The following DPP10 variants were observed in gnomAD, a reference collection of about 807,000 sequenced individuals.
DPP10 encodes inactive dipeptidyl peptidase 10.
A neutral mutation model predicts 120.9 loss-of-function variants in DPP10; 33 were observed. The ratio of observed to expected loss-of-function variants is 0.27; its 90% confidence interval spans 0.21 to 0.37. The LOEUF (loss-of-function observed/expected upper bound fraction) is 0.37, where lower values mean the gene tolerates loss of function less well. Ranked by LOEUF, DPP10 falls within the 10% of genes least tolerant of loss-of-function variation. DPP10 has a pLI of 1.00. For missense variants in DPP10, 816 were observed against 942.8 expected (o/e 0.87, Z 1.76); for synonymous variants, 337 against 326.1 (o/e 1.03, Z -0.36).
chr2:115,187,016 A>ATT (rs2054492536), intron 1 of DPP10, among the ~76,000 whole-genome samples: 1 of 100,492 alleles, frequency 1.0e-5, no homozygotes, highest in Non-Finnish European at 2.1e-5. Flanking sequence ...TGGTGCAAAG[A>ATT]TTCTTTTTTT....
At chr2:115,673,399 C>G (rs562749167) in intron 5 of DPP10, among the ~76,000 whole-genome samples, 19 of 152,114 alleles carry the variant, frequency 1.2e-4, no homozygotes, top group Non-Finnish European at 2.4e-4. Flanking sequence ...GAAATATTCT[C>G]TATCTGCCTG....
At chr2:115,655,512 A>G (rs910044822) in intron 5 of DPP10, among the ~76,000 whole-genome samples, 4 of 151,596 alleles carry the variant, frequency 2.6e-5, no homozygotes, top group South Asian at 2.1e-4. Context: ...TTGCTCATCA[A>G]TTGTATTTAT....
chr2:114,724,666 C>G (rs1330221994), intron 1 of DPP10, among the ~76,000 whole-genome samples: 2 of 152,148 alleles, frequency 1.3e-5, no homozygotes, highest in African/African-American at 4.8e-5. Context: ...CTCTTTACAT[C>G]AAAGGTGAAC....
intron 3 of DPP10, among the ~76,000 whole-genome samples, chr2:115,360,077 C>T (rs1299887060): frequency 6.6e-6 from 1 of 152,076 alleles, no homozygotes; most frequent in Non-Finnish European, 1.5e-5. Flanking sequence ...TCCTTGTTAC[C>T]AAGATTCTGA....
intron 1 of DPP10, among the ~76,000 whole-genome samples, chr2:114,804,827 G>T (rs1684581090): frequency 6.6e-6 from 1 of 152,158 alleles, no homozygotes; most frequent in Non-Finnish European, 1.5e-5. Flanking sequence ...ATGCTGAAAT[G>T]AGTTAAGACT....
At chr2:114,928,308 C>G (rs549047144) in intron 1 of DPP10, among the ~76,000 whole-genome samples, 1 of 152,260 alleles carries the variant, frequency 6.6e-6, no homozygotes, top group Non-Finnish European at 1.5e-5. Context: ...TTTCAAAATA[C>G]AATTATTGTA....
chr2:114,947,237 T>G (rs1168030203), intron 1 of DPP10, among the ~76,000 whole-genome samples: 1 of 152,086 alleles, frequency 6.6e-6, no homozygotes, highest in Non-Finnish European at 1.5e-5. Context: ...TGATTGTTGT[T>G]CCTTTATGTT....
intron 3 of DPP10, among the ~76,000 whole-genome samples, chr2:115,396,555 A>C (rs1257506153): frequency 6.6e-6 from 1 of 152,220 alleles, no homozygotes; most frequent in Admixed American, 6.5e-5. Context: ...AAAATGTCAA[A>C]ATGAGAAAAG....
At chr2:115,676,089 G>C (rs6542284) in intron 5 of DPP10, among the ~76,000 whole-genome samples, 105,768 of 152,036 alleles carry the variant, frequency 0.7, 38,800 homozygotes, top group East Asian at 0.92. Context: ...CAAGCCACCA[G>C]TTCAAGGCAT....
At chr2:114,537,140 G>A (rs1363983362) in intron 1 of DPP10, among the ~76,000 whole-genome samples, 1 of 152,006 alleles carries the variant, frequency 6.6e-6, no homozygotes, top group African/African-American at 2.4e-5. Context: ...TTAGGAGGGT[G>A]TGTGTGTGTG....
Position 114,831,022 on chromosome 2 carries a change from A to AT in DPP10, c.60+388220dup, listed in dbSNP as rs70941010. Among the ~76,000 whole-genome samples the AT allele has an allele frequency of 3.7e-4, 17 of 45,978 alleles. 1 individual carries two copies. The highest frequency in any genetic ancestry group is 1.4e-3 in the African/African-American group (16 of 11,618). 30.2% of individuals were successfully genotyped at this position (45,978 alleles called of 152,430 possible). On this transcript the variant is annotated intron_variant, in intron 1 of 25. Transcript: ENST00000410059. ...GGAATATTTAAACATCCATGCAAAG[A>AT]TTTTTTTTTTTTTTTTTTTTTTTTT...
chr2:114,531,572 A>ATG (rs1685988121), intron 1 of DPP10, among the ~76,000 whole-genome samples: 3 of 148,128 alleles, frequency 2.0e-5, no homozygotes, highest in Admixed American at 6.8e-5. Flanking sequence ...ATTCATATAT[A>ATG]TATTTATATG....
intron 1 of DPP10, among the ~76,000 whole-genome samples, chr2:115,135,971 A>G (rs1433113366): frequency 6.6e-6 from 1 of 152,144 alleles, no homozygotes; most frequent in East Asian, 1.9e-4. Context: ...TTGACCTCCT[A>G]TTGTCATTTA....
chr2:115,274,534 C>T (rs2059830960), intron 1 of DPP10, among the ~76,000 whole-genome samples: 1 of 152,116 alleles, frequency 6.6e-6, no homozygotes, highest in Non-Finnish European at 1.5e-5. Context: ...AGCGTGTCCC[C>T]TGCCAAAAGT....
intron 3 of DPP10, among the ~76,000 whole-genome samples, chr2:115,358,424 C>T (rs571773268): frequency 7.2e-5 from 11 of 152,296 alleles, no homozygotes; most frequent in African/African-American, 2.6e-4. Flanking sequence ...TCATTTTTTA[C>T]ATCACTATCA....
chr2:114,810,889 C>T (rs1685116823), intron 1 of DPP10, among the ~76,000 whole-genome samples: 2 of 152,266 alleles, frequency 1.3e-5, no homozygotes, highest in Middle Eastern at 3.4e-3. Flanking sequence ...ACTAGCCCTG[C>T]GGTTTTTCCC....
intron 1 of DPP10, among the ~76,000 whole-genome samples, chr2:114,777,096 A>G (rs1404041070): frequency 6.6e-6 from 1 of 152,188 alleles, no homozygotes; most frequent in African/African-American, 2.4e-5. Context: ...GGCTTTACAT[A>G]TGTTAAGACT....
intron 3 of DPP10, among the ~76,000 whole-genome samples, chr2:115,451,949 T>C (rs970259150): frequency 6.6e-6 from 1 of 151,468 alleles, no homozygotes; most frequent in African/African-American, 2.4e-5. Flanking sequence ...ATTTATTAAA[T>C]CCCCCCAAAA....
At chr2:115,385,171 T>G (rs1020651094) in intron 3 of DPP10, among the ~76,000 whole-genome samples, 6 of 152,084 alleles carry the variant, frequency 3.9e-5, no homozygotes, top group Non-Finnish European at 5.9e-5. Flanking sequence ...ATACAGTCAC[T>G]TTCTCCATTT....
Sources: allele counts gnomAD v4.1 joint callset (sites outside exome capture counted in the v4.1 genomes callset), GRCh38; gene constraint gnomAD v4.1.1; transcripts MANE v1.5; gene names NCBI Gene and HGNC (gene_info 2026-07-23, HGNC 2026-07-21).